Variants in TGIF1 observed in about 807,000 individuals in gnomAD.
TGIF1 encodes homeobox protein TGIF1.
Under a neutral mutation model 19.3 loss-of-function variants are expected in TGIF1, and 4 were observed. The observed-to-expected ratio is 0.21, with a 90% CI of 0.10 to 0.47. The LOEUF (loss-of-function observed/expected upper bound fraction) is 0.47. TGIF1 is among the 20% of genes least tolerant of loss of function. The pLI is 0.98. For missense variants in TGIF1, 275 were observed against 341.4 expected, an observed-to-expected ratio of 0.81 and a Z score of 1.53; for synonymous variants, 122 against 129.3, an observed-to-expected ratio of 0.94 and a Z score of 0.38.
At chr18:3,448,261 C>G, upstream of TGIF1, 1 of 985,442 alleles carries the variant, frequency 1.0e-6, no homozygotes, top group Non-Finnish European at 1.2e-6. Flanking sequence ...CCGGCTCCTC[C>G]TCCCTGCGTC....
chr18:3,442,537 A>T (rs1387029308), intron 2 of TGIF1, among the ~76,000 whole-genome samples: 1 of 151,996 alleles, frequency 6.6e-6, no homozygotes. Flanking sequence ...TATCATTTTA[A>T]AAAGAAAAGA....
upstream of TGIF1, chr18:3,447,868 C>A (rs376755203): frequency 6.3e-7 from 1 of 1,585,432 alleles, no homozygotes; most frequent in Non-Finnish European, 8.7e-7. Flanking sequence ...GCCCCTCCCC[C>A]CTTCTCCTGG....
intron 2 of TGIF1, among the ~76,000 whole-genome samples, chr18:3,424,602 G>C (rs1399640850): frequency 6.6e-6 from 1 of 152,010 alleles, no homozygotes; most frequent in African/African-American, 2.4e-5. Context: ...GTGGGTAGGG[G>C]CTACTGGATA....
At position 3,419,905 on chromosome 18, in the gene TGIF1, CTGAGGCAGGAGAA is replaced by C. The variant is rs374703380; in HGVS notation, c.-45+1692_-45+1704del. On this transcript the variant is annotated intron_variant, in intron 2 of 3. Transcript: ENST00000401449. ...CCTGTAATCCCAGCTACTCAGGAGG[CTGAGGCAGGAGAA>C]TCACTTGAACCCGGGAGGCAGAGGT... is the stretch of plus-strand genomic sequence containing the variant. Among the ~76,000 whole-genome samples, 580 of 152,138 alleles carry C rather than the reference CTGAGGCAGGAGAA, an allele frequency of 3.8e-3. 1 individual carries two copies. The highest frequency in any genetic ancestry group is 6.2e-3 in the Non-Finnish European group (423 of 68,016).
At chr18:3,445,681 G>T (rs563558314), upstream of TGIF1, among the ~76,000 whole-genome samples, 1 of 118,428 alleles carries the variant, frequency 8.4e-6, no homozygotes, top group African/African-American at 3.2e-5. Flanking sequence ...CCGAGATTGC[G>T]CCACTGCACT....
Position 3,459,548 on chromosome 18 carries a change from A to C in TGIF1, c.*1608A>C, listed in dbSNP as rs896012144. The C allele has an allele frequency of 1.3e-5, 2 of 152,198 alleles. No individual in the cohort carries two copies. Among genetic ancestry groups the C allele is most frequent in the Admixed American group, 1.3e-4 (2 of 15,278 alleles). The allele number at this position is 152,198 out of a possible 1,614,324, so 9.4% of individuals were successfully genotyped here. On this transcript the variant is annotated 3_prime_UTR_variant, in exon 3 of 3. Transcript: ENST00000343820. Reference sequence around the variant, plus strand: ...TAAAGTAAATACAAGGAACAAAATAAACATTAATAAAAATGAATGACGCAA... The same window carrying C: ...TAAAGTAAATACAAGGAACAAAATACACATTAATAAAAATGAATGACGCAA...
Position 3,457,589 on chromosome 18 carries a change from G to C in TGIF1, c.468G>C (p.Leu156=). 6.2e-7 allele frequency: 1 copy of C among 1,614,242 alleles called. No homozygotes were observed. The change falls in exon 3 of 3, where the codon CTG becomes CTC. Residue 156 remains leucine, a synonymous_variant. Coordinates refer to ENST00000343820, the MANE Select transcript of TGIF1 (RefSeq NM_003244.4). This position sits in a 1 kb window ranked among gnomAD's most constrained non-coding sequence, Gnocchi z 4.9. ...CAAACCCAACCCTAGGGAGGCCACT[G>C]TCTCCTAAGCCGTCATCCCCGGGAT... is the stretch of plus-strand genomic sequence containing the variant. ...AGPNPTLGRP[L]SPKPSSPGSV...
In TGIF1 at chr18:3,457,229, T is replaced by C; in HGVS notation, c.244-136T>C. On this transcript the variant is annotated intron_variant, in intron 2 of 2. Transcript: ENST00000343820. This position sits in a 1 kb window ranked among gnomAD's most constrained non-coding sequence, Gnocchi z 4.9. The stretch of plus-strand genomic sequence containing the variant: ...GGAGCTCAGATACCTTGAAATAACA[T>C]TGTAAATTCAGATAAGGCTTTTCAT... 6.1e-6 allele frequency: 6 copies of C among 990,126 alleles called. No homozygotes were observed. The Admixed American group carries it at 6.1e-5, about 10-fold the overall frequency. 61.3% of individuals were successfully genotyped at this position (990,126 alleles called of 1,614,324 possible). A position where few individuals can be genotyped will look rare whatever the true frequency, so the allele number is the denominator to read the frequency against.
rs1387503723 is a variant in TGIF1, at chr18:3,452,147, T to C, written c.16+1642T>C. 1.1e-5 allele frequency: 17 copies of C among 1,613,658 alleles called. No homozygotes were observed. The highest frequency in any genetic ancestry group is 1.3e-5 in the African/African-American group (1 of 74,866). On this transcript the variant is annotated intron_variant, in intron 1 of 2. Coordinates refer to ENST00000343820, the MANE Select transcript of TGIF1 (RefSeq NM_003244.4). ...CGTCCCCCCGACTCTCCCGCGGCACTTTGGCCTACCTTCCCCCAGCGCCGT... is the reference window on the plus strand; with the variant it reads ...CGTCCCCCCGACTCTCCCGCGGCACCTTGGCCTACCTTCCCCCAGCGCCGT...
chr18:3,457,338 T>C lies in TGIF1; in HGVS notation c.244-27T>C, dbSNP rs1199036702. On this transcript the variant is annotated intron_variant, in intron 2 of 2. Transcript: ENST00000343820. The surrounding 1 kb of genome is among the most constrained non-coding windows in gnomAD (Gnocchi z 4.9). ...CCGTTGGCTGAGTGAATGAGGAAAA[T>C]GTTAAAGCGTACCGATATGATTTCA... is the stretch of plus-strand genomic sequence containing the variant. 2 of 1,613,090 alleles carry C rather than the reference T, an allele frequency of 1.2e-6. No homozygotes were observed. The highest frequency in any genetic ancestry group is 2.2e-5 in the East Asian group (1 of 44,876).
upstream of TGIF1, chr18:3,450,165 C>T (rs1367811368): frequency 7.8e-7 from 1 of 1,281,560 alleles, no homozygotes; most frequent in African/African-American, 1.5e-5. Flanking sequence ...CCCTCCTCGC[C>T]TCTCTCACTC....
upstream of TGIF1, among the ~76,000 whole-genome samples, chr18:3,445,540 T>C (rs2082729628): frequency 2.7e-5 from 4 of 150,856 alleles, no homozygotes; most frequent in Admixed American, 2.6e-4. Flanking sequence ...CTGGCTAACA[T>C]GGTGAAACCC....
At chr18:3,441,063 CT>C (rs1252761057) in intron 2 of TGIF1, among the ~76,000 whole-genome samples, 1 of 152,154 alleles carries the variant, frequency 6.6e-6, no homozygotes, top group South Asian at 2.1e-4. Context: ...ATGTCCCCCC[CT>C]CCATGTTTTT....
chr18:3,445,585 G>T (rs1038799871), upstream of TGIF1, among the ~76,000 whole-genome samples: 1 of 151,244 alleles, frequency 6.6e-6, no homozygotes, highest in Non-Finnish European at 1.5e-5. Context: ...TTAGACGGGC[G>T]TGGTGGCAGG....
chr18:3,415,379 G>C (rs899420429), intron 1 of TGIF1: 1 of 457,860 alleles, frequency 2.2e-6, no homozygotes, highest in South Asian at 1.6e-5. Flanking sequence ...CAGAGGCAGA[G>C]TGAGATTCAG....
Position 3,452,217 on chromosome 18 carries a change from GC to G in TGIF1, c.16+1719del, listed in dbSNP as rs11571509. On this transcript the variant is annotated intron_variant, in intron 1 of 2. Coordinates refer to ENST00000343820, the MANE Select transcript of TGIF1 (RefSeq NM_003244.4). ...CTCTGCGCTCCTGGGGTCCTCCTGC[GC>G]CCCCCCTCCTCCACCGGCGCGCTGC... 563 of 1,605,132 alleles carry G rather than the reference GC, an allele frequency of 3.5e-4. 1 individual carries two copies. Among genetic ancestry groups the G allele is most frequent in the South Asian group, 9.7e-4 (88 of 90,772 alleles).
chr18:3,451,916 G>T lies in TGIF1; in HGVS notation c.16+1411G>T. ...ACCCTTGGGAGGACTGACAGGTCTA[G>T]AGACACGCGCTGTCTGTTGTGGTGG... On this transcript the variant is annotated intron_variant, in intron 1 of 2. Transcript: ENST00000343820. This position sits in a 1 kb window ranked among gnomAD's most constrained non-coding sequence, Gnocchi z 5.4. 1.3e-6 allele frequency: 2 copies of T among 1,530,366 alleles called. No individual in the cohort carries two copies. Among genetic ancestry groups the T allele is most frequent in the South Asian group, 1.3e-5 (1 of 78,078 alleles). The allele number at this position is 1,530,366 out of a possible 1,614,324, so 94.8% of individuals were successfully genotyped here. A position where few individuals can be genotyped will look rare whatever the true frequency, so the allele number is the denominator to read the frequency against.
intron 2 of TGIF1, among the ~76,000 whole-genome samples, chr18:3,419,350 G>C (rs1002926204): frequency 1.3e-5 from 2 of 152,094 alleles, no homozygotes; most frequent in Non-Finnish European, 2.9e-5. Context: ...TGCTTTAGTT[G>C]GTCCCCCATT....
chr18:3,448,521 T>TC (rs1327033172), upstream of TGIF1: 3 of 987,958 alleles, frequency 3.0e-6, no homozygotes, highest in Non-Finnish European at 3.6e-6. Flanking sequence ...AGGACCGCGC[T>TC]CCCCCCGAGC....
Sources: allele counts gnomAD v4.1 joint callset (sites outside exome capture counted in the v4.1 genomes callset), GRCh38; gene constraint gnomAD v4.1.1; non-coding constraint Gnocchi (gnomAD v3.1); transcripts MANE v1.5; gene names NCBI Gene and HGNC (gene_info 2026-07-23, HGNC 2026-07-21).